Variants in LRP1B observed in about 807,000 individuals in gnomAD.
LRP1B encodes low-density lipoprotein receptor-related protein 1B.
A neutral mutation model predicts 556.6 loss-of-function variants in LRP1B; 217 were observed. That is an observed-to-expected ratio of 0.39 (90% CI 0.35 to 0.44). LRP1B has a LOEUF of 0.44. Among genes scored for constraint, LRP1B ranks in the 20% least tolerant of loss-of-function variants. The pLI, the probability that LRP1B is intolerant of heterozygous loss-of-function variation, is 1.00. For synonymous variants in LRP1B, 2,047 were observed against 1,865.8 expected, an observed-to-expected ratio of 1.10 and a Z score of -2.50; for missense variants, 5,053 against 5,620.8, an observed-to-expected ratio of 0.90 and a Z score of 3.23.
rs1031319645 is a variant in LRP1B at position 140,683,877 on chromosome 2, C to T, written c.6799+16373G>A. ...GCTCCGCGGCCCCCTGCGCCTGGGCCCTGGCAGACTGAGGGGTCCATGCCG... is the reference window on the plus strand; with the variant it reads ...GCTCCGCGGCCCCCTGCGCCTGGGCTCTGGCAGACTGAGGGGTCCATGCCG... On this transcript the variant is annotated intron_variant, in intron 41 of 90. Transcript: ENST00000389484. 3 of 561,058 alleles carry T rather than the reference C, an allele frequency of 5.3e-6. No individual in the cohort carries two copies. The African/African-American group carries it at 5.8e-5, about 11-fold the overall frequency. 34.8% of individuals were successfully genotyped at this position (561,058 alleles called of 1,614,324 possible). A position where few individuals can be genotyped will look rare whatever the true frequency, so the allele number is the denominator to read the frequency against.
intron 17 of LRP1B, among the ~76,000 whole-genome samples, chr2:140,988,849 T>C (rs1217295424): frequency 6.6e-6 from 1 of 152,056 alleles, no homozygotes; most frequent in Non-Finnish European, 1.5e-5. Context: ...ATGAACTATT[T>C]TTTTCTTTAT....
chr2:140,420,838 G>A (rs1296373195), intron 66 of LRP1B, among the ~76,000 whole-genome samples: 1 of 152,216 alleles, frequency 6.6e-6, no homozygotes, highest in Non-Finnish European at 1.5e-5. Flanking sequence ...GGAGGCAGGG[G>A]TGCAGGAAGC....
chr2:140,666,326 A>AC, intron 41 of LRP1B, among the ~76,000 whole-genome samples: 1 of 123,360 alleles, frequency 8.1e-6, no homozygotes, highest in South Asian at 2.6e-4. Context: ...ACACACACAC[A>AC]CACACCACAC....
intron 1 of LRP1B, among the ~76,000 whole-genome samples, chr2:141,832,808 A>G (rs142713798): frequency 6.6e-4 from 101 of 152,020 alleles, no homozygotes; most frequent in African/African-American, 2.4e-3. Flanking sequence ...GTAGAAATGA[A>G]GTCTCAATTA....
intron 7 of LRP1B, among the ~76,000 whole-genome samples, chr2:141,119,008 A>C (rs139732601): frequency 2.6e-3 from 392 of 152,066 alleles, no homozygotes; most frequent in African/African-American, 9.0e-3. Flanking sequence ...TCCATATTGC[A>C]GGCTAACTGC....
intron 41 of LRP1B, among the ~76,000 whole-genome samples, chr2:140,624,492 C>A (rs1683581736): frequency 6.6e-6 from 1 of 152,146 alleles, no homozygotes; most frequent in Non-Finnish European, 1.5e-5. Context: ...CAAGCTTCTA[C>A]CCCCACCCCA....
chr2:140,628,041 A>C (rs1683731183), intron 41 of LRP1B, among the ~76,000 whole-genome samples: 1 of 152,190 alleles, frequency 6.6e-6, no homozygotes, highest in Admixed American at 6.5e-5. Context: ...GCAGAGTATA[A>C]GACAGAGGCA....
chr2:141,019,653 A>G (rs897547492), intron 12 of LRP1B, among the ~76,000 whole-genome samples: 1 of 152,054 alleles, frequency 6.6e-6, no homozygotes, highest in African/African-American at 2.4e-5. Context: ...CAGGCTGCTT[A>G]AAGTACAGAA....
chr2:141,494,515 C>G (rs56875147), intron 2 of LRP1B, among the ~76,000 whole-genome samples: 8 of 151,752 alleles, frequency 5.3e-5, no homozygotes, highest in African/African-American at 1.7e-4. Context: ...TGCCTCAGTG[C>G]GCTAAATATT....
At chr2:141,342,191 C>A (rs1461595511) in intron 3 of LRP1B, among the ~76,000 whole-genome samples, 2 of 149,254 alleles carry the variant, frequency 1.3e-5, no homozygotes, top group Non-Finnish European at 3.0e-5. Context: ...TTGCAGTGAG[C>A]CGAGATCGTG....
At chr2:140,624,587 G>T (rs1683586741) in intron 41 of LRP1B, among the ~76,000 whole-genome samples, 1 of 152,122 alleles carries the variant, frequency 6.6e-6, no homozygotes, top group African/African-American at 2.4e-5. Context: ...TCATTAAAAG[G>T]ATTGGGAATA....
intron 6 of LRP1B, among the ~76,000 whole-genome samples, chr2:141,217,955 C>T (rs1413018155): frequency 6.6e-6 from 1 of 152,000 alleles, no homozygotes; most frequent in African/African-American, 2.4e-5. Context: ...AGAAGATATA[C>T]AAGTGGCCCA....
intron 3 of LRP1B, among the ~76,000 whole-genome samples, chr2:141,473,028 A>G (rs1682537324): frequency 1.6e-5 from 2 of 124,346 alleles, no homozygotes; most frequent in African/African-American, 5.6e-5. Flanking sequence ...TCCTTTCCCC[A>G]GAGGTATTTA....
intron 31 of LRP1B, among the ~76,000 whole-genome samples, chr2:140,835,001 G>A (rs1187269774): frequency 6.6e-6 from 1 of 152,048 alleles, no homozygotes; most frequent in African/African-American, 2.4e-5. Flanking sequence ...TTATACAAAT[G>A]GTATCATACT....
At chr2:140,755,325 A>G (rs903749139) in intron 35 of LRP1B, among the ~76,000 whole-genome samples, 1 of 152,050 alleles carries the variant, frequency 6.6e-6, no homozygotes, top group Non-Finnish European at 1.5e-5. Context: ...AGGCCAAAAT[A>G]TGTGTTACCC....
intron 41 of LRP1B, among the ~76,000 whole-genome samples, chr2:140,650,333 ATTT>A (rs1310442713): frequency 6.8e-6 from 1 of 147,160 alleles, no homozygotes; most frequent in Non-Finnish European, 1.5e-5. Context: ...TTATTTATTT[ATTT>A]ATTTATTTAT....
chr2:141,908,689 A>C (rs1699825935), intron 1 of LRP1B, among the ~76,000 whole-genome samples: 1 of 152,094 alleles, frequency 6.6e-6, no homozygotes, highest in Non-Finnish European at 1.5e-5. Context: ...TCCTCTAAGT[A>C]AATTCCTGGT....
chr2:141,442,372 G>C (rs1178132494), intron 3 of LRP1B, among the ~76,000 whole-genome samples: 1 of 149,860 alleles, frequency 6.7e-6, no homozygotes, highest in Non-Finnish European at 1.5e-5. Flanking sequence ...AAAAACAGTG[G>C]ACAATATACT....
At chr2:141,962,305 T>A (rs1558989351) in intron 1 of LRP1B, among the ~76,000 whole-genome samples, 1 of 151,730 alleles carries the variant, frequency 6.6e-6, no homozygotes, top group East Asian at 1.9e-4. Flanking sequence ...GGGGGAAAAA[T>A]AAGTCAAGAT....
Sources: gnomAD v4.1 joint callset for allele counts (sites outside exome capture counted in the v4.1 genomes callset) on GRCh38, gnomAD v4.1.1 for gene constraint, MANE v1.5 for transcripts, NCBI Gene and HGNC (gene_info 2026-07-23, HGNC 2026-07-21) for gene names.